The following SLC39A14 variants were observed in gnomAD, a reference collection of about 807,000 sequenced individuals.
SLC39A14 encodes the protein metal cation symporter ZIP14.
SLC39A14 carries 19 observed loss-of-function variants against 45.5 expected under a neutral mutation model. The ratio of observed to expected loss-of-function variants is 0.42; its 90% CI spans 0.29 to 0.61. SLC39A14 has a LOEUF of 0.61. Ranked by LOEUF, SLC39A14 falls within the 20% of genes least tolerant of loss-of-function variation. The pLI, the probability that SLC39A14 is intolerant of heterozygous loss-of-function variation, is 0.22. For missense variants in SLC39A14, 447 were observed against 616.5 expected, an observed-to-expected ratio of 0.73 and a Z score of 2.91; for synonymous variants, 264 against 251.3, an observed-to-expected ratio of 1.05 and a Z score of -0.48.
intron 3 of SLC39A14, among the ~76,000 whole-genome samples, chr8:22,410,445 G>A (rs538063381): frequency 3.3e-5 from 5 of 152,104 alleles, no homozygotes; most frequent in African/African-American, 4.8e-5. Flanking sequence ...TGCCTTTGGT[G>A]CTAAGTACTT....
At chr8:22,393,932 C>T (rs747725162) in intron 1 of SLC39A14, among the ~76,000 whole-genome samples, 1 of 152,058 alleles carries the variant, frequency 6.6e-6, no homozygotes, top group Non-Finnish European at 1.5e-5. Context: ...CTTGGCCTCC[C>T]AGAGTGCTGG....
rs1189658985 is a variant in SLC39A14 at position 22,367,676 on chromosome 8, G to C, written c.-16+268G>C. 6.6e-6 allele frequency: 1 copy of C among 152,296 alleles called. No homozygotes were observed. Among genetic ancestry groups the C allele is most frequent in the Admixed American group, 6.5e-5 (1 of 15,288 alleles). 9.4% of individuals were successfully genotyped at this position (152,296 alleles called of 1,614,324 possible). On this transcript the variant is annotated intron_variant, in intron 1 of 8. Coordinates refer to ENST00000381237, the MANE Select transcript of SLC39A14 (RefSeq NM_001128431.4). This position sits in a 1 kb window ranked among gnomAD's most constrained non-coding sequence, Gnocchi z 4.2. ...AAGGGTGCCCAGAGCGTGGGTCGCCGCGCCGAAGGCTGAGCCAGGCTCCCG... is the reference window on the plus strand; with the variant it reads ...AAGGGTGCCCAGAGCGTGGGTCGCCCCGCCGAAGGCTGAGCCAGGCTCCCG...
intron 1 of SLC39A14, among the ~76,000 whole-genome samples, chr8:22,368,997 G>T (rs1045179397): frequency 6.6e-6 from 1 of 152,148 alleles, no homozygotes; most frequent in Admixed American, 6.5e-5. Flanking sequence ...TAAAGCAAGA[G>T]AAGGGATGTC....
rs1318874671 is a variant in SLC39A14 at position 22,381,484 on chromosome 8, A to C, written c.-16+14076A>C. ...ATGGGGTTTCACCGAGTTAGACAGGATGGTCTCGATCTCCTGACCTCATGA... is the reference window on the plus strand; with the variant it reads ...ATGGGGTTTCACCGAGTTAGACAGGCTGGTCTCGATCTCCTGACCTCATGA... On this transcript the variant is annotated intron_variant, in intron 1 of 8. Coordinates refer to ENST00000381237, the MANE Select transcript of SLC39A14 (RefSeq NM_001128431.4). 5.9e-4 allele frequency among the ~76,000 whole-genome samples: 74 copies of C among 124,946 alleles called. No homozygotes were observed. In the Middle Eastern group the frequency reaches 0.024, roughly 41 times the overall value. 82.0% of individuals were successfully genotyped at this position (124,946 alleles called of 152,430 possible).
At chr8:22,411,793 C>A in intron 3 of SLC39A14, 2 of 497,180 alleles carry the variant, frequency 4.0e-6, no homozygotes, top group South Asian at 4.8e-5. Flanking sequence ...ATTCCTCTTT[C>A]TTCTGAACTG....
chr8:22,423,587 G>A (rs1218423205), downstream of SLC39A14, among the ~76,000 whole-genome samples: 7 of 152,040 alleles, frequency 4.6e-5, no homozygotes, highest in East Asian at 3.9e-4. Context: ...CCCCTGCCTC[G>A]GCCTCCCAAA....
At chr8:22,384,831 C>T (rs1833703749) in intron 1 of SLC39A14, among the ~76,000 whole-genome samples, 1 of 151,480 alleles carries the variant, frequency 6.6e-6, no homozygotes, top group Non-Finnish European at 1.5e-5. Context: ...AGGTGGATCA[C>T]CTGAGGTCAG....
chr8:22,433,205 A>G (rs751185611), intron 8 of SLC39A14, among the ~76,000 whole-genome samples: 1 of 152,014 alleles, frequency 6.6e-6, no homozygotes, highest in Non-Finnish European at 1.5e-5. Flanking sequence ...TACTGTTCAC[A>G]TTTTTTTCCT....
At chr8:22,419,516 G>A (rs781500920) in intron 8 of SLC39A14, 36 bp from the exon 9 acceptor site, 5 of 1,583,452 alleles carry the variant, frequency 3.2e-6, no homozygotes, top group Non-Finnish European at 4.3e-6. Context: ...GATGAAGAAG[G>A]AATTGCAGCT....
At chr8:22,429,506 A>T (rs1027340332) in intron 8 of SLC39A14, among the ~76,000 whole-genome samples, 1 of 152,244 alleles carries the variant, frequency 6.6e-6, no homozygotes. Context: ...TACTAGTAGT[A>T]ATTAACATTT....
At chr8:22,384,748 A>T (rs1480425376) in intron 1 of SLC39A14, among the ~76,000 whole-genome samples, 6 of 135,936 alleles carry the variant, frequency 4.4e-5, no homozygotes, top group African/African-American at 1.6e-4. Flanking sequence ...CTGTCTTAAA[A>T]AAAAAAAAAA....
chr8:22,408,896 C>T (rs1835393019), intron 3 of SLC39A14, among the ~76,000 whole-genome samples: 1 of 149,878 alleles, frequency 6.7e-6, no homozygotes, highest in Admixed American at 6.7e-5. Flanking sequence ...TCATAGCTCA[C>T]TGCAGCCTTG....
intron 8 of SLC39A14, among the ~76,000 whole-genome samples, chr8:22,430,138 T>C (rs1836445249): frequency 6.6e-6 from 1 of 152,154 alleles, no homozygotes; most frequent in African/African-American, 2.4e-5. Flanking sequence ...AAGACATTTG[T>C]TTTTGTTTGT....
At chr8:22,399,671 A>G (rs371436066) in intron 1 of SLC39A14, among the ~76,000 whole-genome samples, 1 of 152,216 alleles carries the variant, frequency 6.6e-6, no homozygotes. Flanking sequence ...CTGTGGGCTC[A>G]TTCTTCTGAT....
chr8:22,414,407 A>G (rs1835755358), intron 4 of SLC39A14, among the ~76,000 whole-genome samples: 2 of 152,246 alleles, frequency 1.3e-5, no homozygotes, highest in Non-Finnish European at 2.9e-5. Context: ...AGATAAGATG[A>G]AAATAAATAC....
At chr8:22,380,681 T>C (rs1833456568) in intron 1 of SLC39A14, among the ~76,000 whole-genome samples, 2 of 151,866 alleles carry the variant, frequency 1.3e-5, no homozygotes, top group East Asian at 3.9e-4. Context: ...CCTGTTTTTT[T>C]TTTTTAACCC....
intron 1 of SLC39A14, among the ~76,000 whole-genome samples, chr8:22,371,661 G>C (rs899959531): frequency 1.3e-5 from 2 of 151,390 alleles, no homozygotes; most frequent in African/African-American, 4.9e-5. Context: ...TTGAACTCCT[G>C]ACCTCGTGAT....
chr8:22,407,042 C>T (rs567579980), intron 2 of SLC39A14, among the ~76,000 whole-genome samples: 1 of 152,346 alleles, frequency 6.6e-6, no homozygotes, highest in South Asian at 2.1e-4. Flanking sequence ...GAAGCGCTTA[C>T]CTGCTGCCTC....
chr8:22,412,160 C>T lies in SLC39A14; in HGVS notation c.581C>T (p.Ala194Val). 1 of 1,551,716 alleles carries T rather than the reference C, an allele frequency of 6.4e-7. No homozygotes were observed. The highest frequency in any genetic ancestry group is 1.2e-5 in the South Asian group (1 of 84,064). Residue 194 changes from alanine to valine, a missense_variant, in exon 4 of 9, where the codon GCG (alanine) becomes GTG (valine). This residue lies in a region of SLC39A14 where 342 missense variants were observed against 428.1 expected (regional missense o/e 0.80). Coordinates refer to ENST00000381237, the MANE Select transcript of SLC39A14 (RefSeq NM_001128431.4). ...KRLLLYFIAL[A>V]IGTLYSNALF... ...CTGCTGCTCTACTTCATAGCTCTGGCGATTGGAACCCTCTACTCCAACGCC... is the reference window on the plus strand; with the variant it reads ...CTGCTGCTCTACTTCATAGCTCTGGTGATTGGAACCCTCTACTCCAACGCC...
Sources: allele counts gnomAD v4.1 joint callset (sites outside exome capture counted in the v4.1 genomes callset), GRCh38; gene constraint gnomAD v4.1.1; regional missense constraint gnomAD v4.1.1; non-coding constraint Gnocchi (gnomAD v3.1); transcripts MANE v1.5; gene names NCBI Gene and HGNC (gene_info 2026-07-23, HGNC 2026-07-21).